The following PROM2 variants were observed in gnomAD, a reference collection of about 807,000 sequenced individuals.
PROM2 encodes prominin-2.
A neutral mutation model predicts 110.2 loss-of-function variants in PROM2; 90 were observed. The ratio of observed to expected loss-of-function variants is 0.82; its 90% CI spans 0.69 to 0.97. The LOEUF (loss-of-function observed/expected upper bound fraction) is 0.97, where lower values mean the gene tolerates loss of function less well. Among genes scored for constraint, PROM2 ranks in the 50% least tolerant of loss-of-function variants. PROM2 has a pLI of 0.00. For missense variants in PROM2, 1,009 were observed against 1,074.8 expected, an observed-to-expected ratio of 0.94 and a Z score of 0.86; for synonymous variants, 470 against 467.8, an observed-to-expected ratio of 1.00 and a Z score of -0.06.
chr2:95,286,738 T>C, intron 17 of PROM2, 66 bp from the exon 18 acceptor site: 1 of 1,001,542 alleles, frequency 1.0e-6, no homozygotes, highest in Non-Finnish European at 1.4e-6. Flanking sequence ...CCCCTCCACT[T>C]TCCTCCCCTC....
rs1676680508 is a variant in PROM2 at position 95,276,646 on chromosome 2, A to T, written c.671A>T (p.Glu224Val). The change falls in exon 5 of 24, where the codon GAG becomes GTG. Residue 224 changes from glutamate to valine, a missense_variant. Glu to Val is a moderately radical substitution (Grantham distance 121, BLOSUM62 -2). Transcript: ENST00000317620. This position sits in a 1 kb window ranked among gnomAD's most constrained non-coding sequence, Gnocchi z 4.6. ...QFSLPQEQVS[E>V]ELDGVGVSIG... ...TCCCTGCCCCAGGAGCAAGTCTCAG[A>T]GGAGCTGGATGGTGAGGGTCTCGGG... 1 of 1,612,796 alleles carries T rather than the reference A, an allele frequency of 6.2e-7. No individual in the cohort carries two copies. Among genetic ancestry groups the T allele is most frequent in the African/African-American group, 1.3e-5 (1 of 74,790 alleles).
In PROM2 at chr2:95,290,503, G is replaced by T. The variant is rs1194845284; in HGVS notation, c.*1290G>T. The T allele has an allele frequency of 1.3e-5, 2 of 152,210 alleles. No homozygotes were observed. The highest frequency in any genetic ancestry group is 3.9e-4 in the East Asian group (2 of 5,188). The allele number at this position is 152,210 out of a possible 1,614,324, so 9.4% of individuals were successfully genotyped here. On this transcript the variant is annotated 3_prime_UTR_variant, in exon 24 of 24. Transcript: ENST00000317620. ...GCCTGGGAGCCTGCTGTCAGGAGCA[G>T]GCAGACCTGGACTCACAGCCTGGCT...
Position 95,279,890 on chromosome 2 carries a change from G to A in PROM2, c.1320G>A (p.Val440=), listed in dbSNP as rs771069070. Residue 440 remains valine, a synonymous_variant, in exon 11 of 24, where the codon GTG becomes GTA. Coordinates refer to ENST00000317620, the MANE Select transcript of PROM2 (RefSeq NM_001165978.3). ...CVLCSVVLFV[V]LCNLLGLNLG... is the part of the protein sequence containing the mutation. ...TGTGCTCCGTGGTCCTATTCGTGGT[G>A]CTCTGCAACCTGCTGGGCCTCAATC... The A allele has an allele frequency of 1.3e-6, 2 of 1,556,152 alleles. No homozygotes were observed. Among genetic ancestry groups the A allele is most frequent in the Non-Finnish European group, 1.7e-6 (2 of 1,148,936 alleles).
chr2:95,276,368 C>T lies in PROM2; in HGVS notation c.618+21C>T. On this transcript the variant is annotated intron_variant, in intron 4 of 23. Coordinates refer to ENST00000317620, the MANE Select transcript of PROM2 (RefSeq NM_001165978.3). This position sits in a 1 kb window ranked among gnomAD's most constrained non-coding sequence, Gnocchi z 4.6. ...CCCAAGTGAGCACTGTTACCCCTCACCCTCATGTGCCCCTGTGAGCACTGG... is the reference window on the plus strand; with the variant it reads ...CCCAAGTGAGCACTGTTACCCCTCATCCTCATGTGCCCCTGTGAGCACTGG... 1 of 1,610,976 alleles carries T rather than the reference C, an allele frequency of 6.2e-7. No homozygotes were observed. The highest frequency in any genetic ancestry group is 8.5e-7 in the Non-Finnish European group (1 of 1,178,558).
chr2:95,275,915 C>G lies in PROM2; in HGVS notation c.295-15C>G, dbSNP rs371932239. The G allele has an allele frequency of 1.5e-5, 24 of 1,602,874 alleles. No homozygotes were observed. Among genetic ancestry groups the G allele is most frequent in the African/African-American group, 2.7e-5 (2 of 74,872 alleles). On this transcript the variant is annotated splice_polypyrimidine_tract_variant and intron_variant, in intron 2 of 23. Transcript: ENST00000317620. This position sits in a 1 kb window ranked among gnomAD's most constrained non-coding sequence, Gnocchi z 4.4. ...TGGGGGTCGGGTCACCCCTCATGCC[C>G]TGCTGCCTGCCCAGGTGGTGCGGTA...
chr2:95,279,243 C>T (rs1197195727), intron 10 of PROM2, 99 bp downstream of exon 10: 6 of 957,926 alleles, frequency 6.3e-6, no homozygotes, highest in Non-Finnish European at 9.1e-6. Context: ...CCTCTATCAG[C>T]CCCTGACTGT....
rs140211541 is a variant in PROM2, at chr2:95,276,318, C to A, written c.589C>A (p.Leu197Ile). The change falls in exon 4 of 24, where the codon CTC becomes ATC. Residue 197 changes from leucine (L) to isoleucine (I), a missense_variant. By Grantham distance (5) the Leu-to-Ile change is conservative (BLOSUM62 2). Transcript: ENST00000317620. The surrounding 1 kb of genome is among the most constrained non-coding windows in gnomAD (Gnocchi z 4.6). Reference sequence around the variant, plus strand: ...GGCCATGCCTGAGACCCTGCTCAGCCTCTGGGGCCTGGTCTCTGATGTCCC... The same window carrying A: ...GGCCATGCCTGAGACCCTGCTCAGCATCTGGGGCCTGGTCTCTGATGTCCC... ...IEAMPETLLS[L>I]WGLVSDVPQE... 12 of 1,613,632 alleles carry A rather than the reference C, an allele frequency of 7.4e-6. No individual in the cohort carries two copies. The Admixed American group carries it at 2.0e-4, about 27-fold the overall frequency.
In PROM2 at chr2:95,281,234, T is replaced by C; in HGVS notation, c.1428-8T>C. The C allele has an allele frequency of 6.2e-7, 1 of 1,611,700 alleles. No homozygotes were observed. The highest frequency in any genetic ancestry group is 8.5e-7 in the Non-Finnish European group (1 of 1,179,774). On this transcript the variant is annotated splice_polypyrimidine_tract_variant and splice_region_variant and intron_variant, in intron 11 of 23. Coordinates refer to ENST00000317620, the MANE Select transcript of PROM2 (RefSeq NM_001165978.3). Reference sequence around the variant, plus strand: ...CTGTCCCTCAGTCCTGCCTCTCGCCTACCCCAGAGGTGTGGGCCTCAGCTT... The same window carrying C: ...CTGTCCCTCAGTCCTGCCTCTCGCCCACCCCAGAGGTGTGGGCCTCAGCTT...
chr2:95,278,591 C>A, intron 8 of PROM2, 130 bp from the exon 9 acceptor site: 2 of 1,048,358 alleles, frequency 1.9e-6, no homozygotes, highest in East Asian at 2.4e-5. Flanking sequence ...AGGAGGGCAG[C>A]GACCAAGAGA....
At chr2:95,283,076 A>G (rs1677142808) in intron 14 of PROM2, among the ~76,000 whole-genome samples, 1 of 152,184 alleles carries the variant, frequency 6.6e-6, no homozygotes, top group Non-Finnish European at 1.5e-5. Context: ...ACAACCTGGG[A>G]CAGTTATGCA....
At chr2:95,281,852 C>T (rs1677066623) in intron 12 of PROM2, 73 bp from the exon 13 acceptor site, 2 of 1,042,276 alleles carry the variant, frequency 1.9e-6, no homozygotes, top group Middle Eastern at 2.7e-4. Context: ...CAGCACAGGG[C>T]CAGGCCCTAG....
At position 95,288,539 on chromosome 2, in the gene PROM2, CT is replaced by C. The variant is rs764388978; in HGVS notation, c.2394del (p.Phe798LeufsTer35). The C allele has an allele frequency of 5.0e-6, 8 of 1,614,264 alleles. No individual in the cohort carries two copies. The highest frequency in any genetic ancestry group is 6.8e-6 in the Non-Finnish European group (8 of 1,180,042). On this transcript the variant is annotated frameshift_variant, in exon 22 of 24. Transcript: ENST00000317620. LOFTEE classifies it high-confidence loss of function. ...CCTTCTTCCTGATCCCCAGCATCAT[CT>C]TTGCCGTCAAGACCTCCAAATACTT... ...CTFFLIPSII[F>X]AVKTSKYFRP...
rs1276785514 is a variant in PROM2, at chr2:95,275,782, T to C, written c.295-148T>C. ...GTAAGATGGTGATGAGCAGTAAGAA[T>C]GCGGTCACCTCTGGGACGGGTTCCA... On this transcript the variant is annotated intron_variant, in intron 2 of 23. Transcript: ENST00000317620. This position sits in a 1 kb window ranked among gnomAD's most constrained non-coding sequence, Gnocchi z 4.4. 1 of 1,475,572 alleles carries C rather than the reference T, an allele frequency of 6.8e-7. No individual in the cohort carries two copies. The highest frequency in any genetic ancestry group is 2.2e-5 in the Admixed American group (1 of 45,212). The allele number at this position is 1,475,572 out of a possible 1,614,324, so 91.4% of individuals were successfully genotyped here.
intron 8 of PROM2, 27 bp downstream of exon 8, chr2:95,278,031 T>G: frequency 6.3e-7 from 1 of 1,591,682 alleles, no homozygotes; most frequent in Non-Finnish European, 8.6e-7. Context: ...CTGCCTGATT[T>G]CTCCCTCACC....
intron 19 of PROM2, 55 bp downstream of exon 19, chr2:95,287,268 A>G: frequency 6.3e-7 from 1 of 1,593,438 alleles, no homozygotes. Context: ...CTCCAGTCCC[A>G]GCTTCTCACT....
chr2:95,278,507 T>G, intron 8 of PROM2: 3 of 616,184 alleles, frequency 4.9e-6, no homozygotes, highest in South Asian at 1.9e-5. Flanking sequence ...GGGAGAGGGA[T>G]GGGGGTAGGA....
At chr2:95,279,586 C>T (rs1432465625) in intron 10 of PROM2, among the ~76,000 whole-genome samples, 10 of 152,158 alleles carry the variant, frequency 6.6e-5, no homozygotes, top group Admixed American at 2.0e-4. Context: ...TTAGCCACCG[C>T]GCCCGGCCGC....
At chr2:95,285,612 C>T (rs1489188735) in intron 15 of PROM2, 27 bp from the exon 16 acceptor site, 1 of 1,568,800 alleles carries the variant, frequency 6.4e-7, no homozygotes, top group East Asian at 2.4e-5. Context: ...GGGTTCATCC[C>T]TCCTGGCCTC....
At chr2:95,280,667 CAGGGT>C (rs2104109915) in intron 11 of PROM2, among the ~76,000 whole-genome samples, 1 of 152,256 alleles carries the variant, frequency 6.6e-6, no homozygotes, top group Admixed American at 6.5e-5. Context: ...GTTGTTGTGA[CAGGGT>C]CTTGCTCTGT....
Sources: gnomAD v4.1 joint callset for allele counts (sites outside exome capture counted in the v4.1 genomes callset) on GRCh38, gnomAD v4.1.1 for gene constraint, Gnocchi (gnomAD v3.1) non-coding constraint, MANE v1.5 for transcripts, NCBI Gene and HGNC (gene_info 2026-07-23, HGNC 2026-07-21) for gene names.